Variants in ACER3 observed in about 807,000 individuals in gnomAD.
ACER3 encodes the protein alkaline ceramidase 3, also known as alkCDase 3.
A neutral mutation model predicts 48.9 loss-of-function variants in ACER3; 16 were observed. That is an observed-to-expected ratio of 0.33 (90% CI 0.22 to 0.50). ACER3 has a LOEUF of 0.50. ACER3 is among the 20% of genes least tolerant of loss of function. The pLI is 0.98. For missense variants in ACER3, 227 were observed against 326.0 expected (o/e 0.70, Z 2.34); for synonymous variants, 109 against 107.8 (o/e 1.01, Z -0.07).
chr11:76,919,805 C>A (rs948231195), intron 1 of ACER3, among the ~76,000 whole-genome samples: 22 of 152,058 alleles, frequency 1.4e-4, no homozygotes, highest in African/African-American at 3.9e-4. Context: ...AGGGGGAAAT[C>A]CATTATTTAA....
At chr11:76,980,841 A>G (rs1948569058) in intron 4 of ACER3, among the ~76,000 whole-genome samples, 1 of 152,212 alleles carries the variant, frequency 6.6e-6, no homozygotes, top group African/African-American at 2.4e-5. Flanking sequence ...TGGAGATTAT[A>G]GTACTTATAA....
At chr11:76,880,529 GGA>G (rs1227221598) in intron 1 of ACER3, among the ~76,000 whole-genome samples, 2 of 152,136 alleles carry the variant, frequency 1.3e-5, no homozygotes, top group Non-Finnish European at 1.5e-5. Flanking sequence ...CATGCCAGTC[GGA>G]AGCCCCATGT....
chr11:76,901,689 G>C (rs1015779334), intron 1 of ACER3, among the ~76,000 whole-genome samples: 4 of 152,162 alleles, frequency 2.6e-5, no homozygotes, highest in African/African-American at 9.7e-5. Context: ...GGTCGTGATC[G>C]ATTGAGCAAG....
At chr11:76,862,948 G>A (rs1388534866) in intron 1 of ACER3, among the ~76,000 whole-genome samples, 2 of 61,292 alleles carry the variant, frequency 3.3e-5, no homozygotes, top group South Asian at 5.9e-4. Context: ...AAACTGGGCT[G>A]GGCATCGTGG....
intron 6 of ACER3, among the ~76,000 whole-genome samples, chr11:76,995,634 A>C (rs1486922155): frequency 6.6e-6 from 1 of 152,160 alleles, no homozygotes; most frequent in African/African-American, 2.4e-5. Flanking sequence ...AACCTCTATA[A>C]GTTTAGAAAT....
At chr11:76,877,978 T>C (rs1239339189) in intron 1 of ACER3, among the ~76,000 whole-genome samples, 1 of 152,060 alleles carries the variant, frequency 6.6e-6, no homozygotes, top group Non-Finnish European at 1.5e-5. Context: ...TTCATGCTCC[T>C]GAGAATTGAC....
intron 2 of ACER3, among the ~76,000 whole-genome samples, chr11:76,934,175 C>G (rs1360047274): frequency 6.6e-6 from 1 of 151,498 alleles, no homozygotes; most frequent in Non-Finnish European, 1.5e-5. Context: ...GGGATGGCGG[C>G]CGGGCAGAGA....
intron 1 of ACER3, among the ~76,000 whole-genome samples, chr11:76,880,023 G>T (rs144585946): frequency 1.6e-4 from 24 of 152,034 alleles, no homozygotes; most frequent in Non-Finnish European, 2.9e-4. Flanking sequence ...GTGGAATCTG[G>T]GGGTAACTCT....
chr11:76,999,035 TA>T (rs1404808665), intron 7 of ACER3, among the ~76,000 whole-genome samples: 1 of 152,078 alleles, frequency 6.6e-6, no homozygotes, highest in Non-Finnish European at 1.5e-5. Context: ...GTTCCAAAAT[TA>T]AAGACATGGG....
At chr11:76,906,955 G>A (rs996045989) in intron 1 of ACER3, among the ~76,000 whole-genome samples, 4 of 152,022 alleles carry the variant, frequency 2.6e-5, no homozygotes, top group African/African-American at 9.7e-5. Context: ...TTAGGCATGA[G>A]CCTATTTGTT....
intron 2 of ACER3, among the ~76,000 whole-genome samples, chr11:76,935,949 C>T (rs980402334): frequency 2.0e-5 from 3 of 152,174 alleles, no homozygotes; most frequent in Non-Finnish European, 4.4e-5. Flanking sequence ...CTAGAATGTC[C>T]ATCCAGTCAT....
intron 1 of ACER3, among the ~76,000 whole-genome samples, chr11:76,874,256 T>C (rs777291436): frequency 2.0e-5 from 3 of 152,204 alleles, no homozygotes; most frequent in Non-Finnish European, 4.4e-5. Flanking sequence ...TTATCAAATA[T>C]CATTTTTCTC....
intron 1 of ACER3, among the ~76,000 whole-genome samples, chr11:76,898,860 C>G (rs1466183419): frequency 7.2e-6 from 1 of 138,532 alleles, no homozygotes; most frequent in East Asian, 2.1e-4. Context: ...GCCGAGATCC[C>G]GCCACTGCAC....
chr11:76,913,401 A>G (rs150871484), intron 1 of ACER3, among the ~76,000 whole-genome samples: 71 of 152,278 alleles, frequency 4.7e-4, no homozygotes, highest in African/African-American at 1.4e-3. Flanking sequence ...AACTTCCAAC[A>G]CTATGTTGAA....
intron 1 of ACER3, among the ~76,000 whole-genome samples, chr11:76,911,655 T>C (rs999708733): frequency 3.9e-5 from 6 of 152,228 alleles, no homozygotes; most frequent in Admixed American, 6.5e-5. Context: ...TGTCTGCTAC[T>C]ATCTGCCTCA....
At position 76,918,997 on chromosome 11, in the gene ACER3, A is replaced by G. The variant is rs577534757; in HGVS notation, c.104-7560A>G. On this transcript the variant is annotated intron_variant, in intron 1 of 10. Transcript: ENST00000532485. The stretch of plus-strand genomic sequence containing the variant: ...GGCAAAATGAACTTGCATTGGGGAA[A>G]AGTGCTGGGTTGCTTTCAGGCTCAA... Among the ~76,000 whole-genome samples the G allele has an allele frequency of 2.9e-3, 435 of 152,018 alleles. 1 individual carries two copies. The highest frequency in any genetic ancestry group is 0.021 in the Middle Eastern group (6 of 292).
At chr11:76,870,102 T>A (rs1436109253) in intron 1 of ACER3, among the ~76,000 whole-genome samples, 1 of 151,950 alleles carries the variant, frequency 6.6e-6, no homozygotes, top group East Asian at 1.9e-4. Flanking sequence ...GCTCAAGTGA[T>A]CCTTCCAACT....
chr11:76,958,263 T>C (rs1947895287), intron 2 of ACER3, among the ~76,000 whole-genome samples: 1 of 150,234 alleles, frequency 6.7e-6, no homozygotes, highest in African/African-American at 2.5e-5. Flanking sequence ...CTCAGCTCAC[T>C]GCAACCTCCT....
chr11:76,976,766 G>A (rs1948454920), intron 4 of ACER3, among the ~76,000 whole-genome samples: 1 of 152,104 alleles, frequency 6.6e-6, no homozygotes, highest in Admixed American at 6.6e-5. Context: ...CTTTTTGTTT[G>A]AAGTTATCTT....
Sources: gnomAD v4.1 joint callset for allele counts (sites outside exome capture counted in the v4.1 genomes callset) on GRCh38, gnomAD v4.1.1 for gene constraint, MANE v1.5 for transcripts, NCBI Gene and HGNC (gene_info 2026-07-23, HGNC 2026-07-21) for gene names.